CROCC2: variants seen among roughly 807,000 people sequenced by gnomAD.
The protein encoded by CROCC2 is ciliary rootlet coiled-coil protein 2.
CROCC2 carries 163 observed loss-of-function variants against 177.6 expected under a neutral mutation model. The observed-to-expected ratio is 0.92, with a 90% CI of 0.81 to 1.05. CROCC2 has a LOEUF of 1.05. CROCC2 is among the 50% of genes least tolerant of loss of function. The probability of loss-of-function intolerance (pLI) is 0.00; values close to 1 mark genes in which losing one functional copy is unlikely to be tolerated. For synonymous variants in CROCC2, 904 were observed against 787.3 expected (o/e 1.15, Z -2.48); for missense variants, 1,929 against 1,797.8 (o/e 1.07, Z -1.32).
intron 27 of CROCC2, among the ~76,000 whole-genome samples, chr2:240,970,612 T>G (rs1044559621): frequency 2.6e-5 from 4 of 152,206 alleles, no homozygotes; most frequent in Non-Finnish European, 5.9e-5. Context: ...CCTTCCCAGC[T>G]GCACTGCTTC....
Position 240,932,369 on chromosome 2 carries a change from G to A in CROCC2, c.999G>A (p.Gln333=). 1.4e-6 allele frequency: 1 copy of A among 717,502 alleles called. No homozygotes were observed. The highest frequency in any genetic ancestry group is 2.6e-6 in the Non-Finnish European group (1 of 385,064). The allele number at this position is 717,502 out of a possible 1,614,324, so 44.4% of individuals were successfully genotyped here. A position where few individuals can be genotyped will look rare whatever the true frequency, so the allele number is the denominator to read the frequency against. ...AGAAGCTTACAGAGCAGAATGAGCA[G>A]AAGGCGAAGACCATCGCTGCCCTCA... ...LVEKLTEQNE[Q]KAKTIAALRT... The change falls in exon 8 of 32, where the codon CAG becomes CAA. Residue 333 remains glutamine, a synonymous_variant. Transcript: ENST00000690015.
At chr2:240,922,364 C>T (rs759421247) in intron 3 of CROCC2, among the ~76,000 whole-genome samples, 175 bp from the exon 4 acceptor site, 2 of 152,210 alleles carry the variant, frequency 1.3e-5, no homozygotes, top group Non-Finnish European at 1.5e-5. Context: ...GGCCACCTGT[C>T]GGGTTCATTG....
chr2:240,916,821 G>A (rs2059324698), intron 1 of CROCC2, among the ~76,000 whole-genome samples: 1 of 152,208 alleles, frequency 6.6e-6, no homozygotes, highest in Non-Finnish European at 1.5e-5. Flanking sequence ...ATTGAGCGGA[G>A]CATGACGGTC....
In CROCC2 at chr2:240,932,344, A is replaced by G. The variant is rs1224208274; in HGVS notation, c.974A>G (p.Glu325Gly). The change falls in exon 8 of 32, where the codon GAG becomes GGG. Residue 325 changes from glutamate (E) to glycine (G), a missense_variant. Physicochemically the swap from Glu to Gly is moderately conservative, Grantham distance 98. Transcript: ENST00000690015. ...ARLSEQTLLV[E>G]KLTEQNEQKA... ...CTCTCGGAGCAAACCCTGCTGGTGG[A>G]GAAGCTTACAGAGCAGAATGAGCAG... The G allele has an allele frequency of 1.4e-6, 1 of 716,894 alleles. No homozygotes were observed. Among genetic ancestry groups the G allele is most frequent in the Admixed American group, 2.0e-5 (1 of 49,986 alleles). The allele number at this position is 716,894 out of a possible 1,614,324, so 44.4% of individuals were successfully genotyped here.
At chr2:240,907,678 A>T (rs1352559578) in intron 1 of CROCC2, among the ~76,000 whole-genome samples, 3 of 152,138 alleles carry the variant, frequency 2.0e-5, no homozygotes, top group Non-Finnish European at 4.4e-5. Context: ...ATGCAACAAG[A>T]CAAAGAGGTG....
Position 240,964,534 on chromosome 2 carries a change from A to G in CROCC2, c.3374A>G (p.Gln1125Arg), listed in dbSNP as rs1241609491. Residue 1125 changes from glutamine (Q) to arginine (R), a missense_variant, in exon 22 of 32, where the codon CAG becomes CGG. By Grantham distance (43) the Gln-to-Arg change is conservative. Coordinates refer to ENST00000690015, the MANE Select transcript of CROCC2 (RefSeq NM_001351305.2). The stretch of plus-strand genomic sequence containing the variant: ...CTGGAGGAGGCCCAGGCGGCGTTGC[A>G]GCAGGAGGCCAGTGCACTGCGGGCC... ...LILEEAQAAL[Q>R]QEASALRAHL... 6.5e-7 allele frequency: 1 copy of G among 1,549,486 alleles called. No homozygotes were observed. Among genetic ancestry groups the G allele is most frequent in the Admixed American group, 2.0e-5 (1 of 50,994 alleles).
chr2:240,949,111 G>T lies in CROCC2; in HGVS notation c.2482+14G>T. ...AGGCCTTGCAAGGTGCTCCAAGGGC[G>T]CTCCCTCAGCTCCTTCCCCGAAAGT... On this transcript the variant is annotated intron_variant, in intron 16 of 31. Coordinates refer to ENST00000690015, the MANE Select transcript of CROCC2 (RefSeq NM_001351305.2). This position sits in a 1 kb window ranked among gnomAD's most constrained non-coding sequence, Gnocchi z 4.5. The T allele has an allele frequency of 1.3e-6, 2 of 1,506,748 alleles. No individual in the cohort carries two copies. The highest frequency in any genetic ancestry group is 1.8e-6 in the Non-Finnish European group (2 of 1,129,020). The allele number at this position is 1,506,748 out of a possible 1,614,324, so 93.3% of individuals were successfully genotyped here. A position where few individuals can be genotyped will look rare whatever the true frequency, so the allele number is the denominator to read the frequency against.
chr2:240,948,990 A>T lies in CROCC2; in HGVS notation c.2375A>T (p.Asp792Val), dbSNP rs373525440. 1.8e-4 allele frequency: 274 copies of T among 1,550,236 alleles called. 1 individual carries two copies. In the East Asian group the frequency reaches 5.4e-3, roughly 30 times the overall value. Residue 792 changes from aspartate to valine, a missense_variant, in exon 16 of 32, where the codon GAC (aspartate) becomes GTC (valine). Physicochemically the swap from Asp to Val is radical, Grantham distance 152. Transcript: ENST00000690015. Reference protein sequence around the residue: ...EEAADLRVERDSLESSLLEAQ... With the variant: ...EEAADLRVERVSLESSLLEAQ... ...CTGCATCTTTGCAGGGTGGAGAGGG[A>T]CTCCCTGGAGAGCAGCCTCCTTGAG...
chr2:240,912,220 T>C (rs2059293186), intron 1 of CROCC2, among the ~76,000 whole-genome samples: 1 of 152,196 alleles, frequency 6.6e-6, no homozygotes, highest in African/African-American at 2.4e-5. Flanking sequence ...CACCAGCCAA[T>C]TCTCCACCTC....
At position 240,965,707 on chromosome 2, in the gene CROCC2, G is replaced by A; in HGVS notation, c.3675G>A (p.Glu1225=). Residue 1225 remains glutamate, a synonymous_variant, in exon 24 of 32, where the codon GAG becomes GAA. Transcript: ENST00000690015. Reference sequence around the variant, plus strand: ...AGGCCCATGGACAGCGGCTCCAGGAGCACCTCCGTGAGAGCCGGGGGGCTG... The same window carrying A: ...AGGCCCATGGACAGCGGCTCCAGGAACACCTCCGTGAGAGCCGGGGGGCTG... ...AGEAHGQRLQ[E]HLRESRGAEQ... 1.3e-6 allele frequency: 2 copies of A among 1,548,980 alleles called. No individual in the cohort carries two copies. The highest frequency in any genetic ancestry group is 1.7e-6 in the Non-Finnish European group (2 of 1,146,228).
intron 20 of CROCC2, among the ~76,000 whole-genome samples, chr2:240,961,382 C>T (rs1227340335): frequency 2.6e-5 from 4 of 151,990 alleles, no homozygotes; most frequent in African/African-American, 7.3e-5. Flanking sequence ...GGACACCACA[C>T]AGTGCACACA....
chr2:240,981,337 G>T (rs958589838), intron 27 of CROCC2, among the ~76,000 whole-genome samples: 2 of 152,214 alleles, frequency 1.3e-5, no homozygotes, highest in Non-Finnish European at 2.9e-5. Flanking sequence ...CAGCTCTGGG[G>T]GAGAAGGGCT....
chr2:240,965,571 A>C, intron 23 of CROCC2, 53 bp downstream of exon 23: 1 of 1,549,580 alleles, frequency 6.5e-7, no homozygotes, highest in Non-Finnish European at 8.7e-7. Flanking sequence ...CGGGGAGCAG[A>C]GGGAGGAGGC....
intron 3 of CROCC2, among the ~76,000 whole-genome samples, 154 bp from the exon 4 acceptor site, chr2:240,922,385 C>T (rs1449473780): frequency 6.6e-6 from 1 of 152,220 alleles, no homozygotes; most frequent in African/African-American, 2.4e-5. Context: ...TGTGGAAGGG[C>T]CTGGGCCTCA....
intron 20 of CROCC2, among the ~76,000 whole-genome samples, chr2:240,961,518 C>A (rs966248542): frequency 6.6e-6 from 1 of 150,702 alleles, no homozygotes; most frequent in Non-Finnish European, 1.5e-5. Flanking sequence ...ACACCACATA[C>A]AGAGTGGACA....
At position 240,988,790 on chromosome 2, in the gene CROCC2, G is replaced by A. The variant is rs773883777; in HGVS notation, c.4603G>A (p.Glu1535Lys). ...REEDVARLGA[E>K]KEQLDQSLNS... ...GGAGGATGTGGCGAGGCTGGGGGCT[G>A]AGAAGGAGCAGCTGGACCAGTCTCT... The change falls in exon 29 of 32, where the codon GAG becomes AAG. Residue 1535 changes from glutamate to lysine, a missense_variant. By Grantham distance (56) the Glu-to-Lys change is moderately conservative. Transcript: ENST00000690015. 30 of 1,517,436 alleles carry A rather than the reference G, an allele frequency of 2.0e-5. No homozygotes were observed. In the African/African-American group the frequency reaches 2.8e-4, roughly 14 times the overall value. The allele number at this position is 1,517,436 out of a possible 1,614,324, so 94.0% of individuals were successfully genotyped here.
intron 27 of CROCC2, chr2:240,981,702 A>C (rs963462059): frequency 2.6e-5 from 4 of 152,154 alleles, no homozygotes; most frequent in African/African-American, 9.7e-5. Context: ...TCTTAGGTAC[A>C]AGCATTGTCT....
chr2:240,925,653 T>G, intron 4 of CROCC2, 71 bp from the exon 5 acceptor site: 1 of 637,458 alleles, frequency 1.6e-6, no homozygotes, highest in South Asian at 1.9e-5. Context: ...GCCCCTTGAC[T>G]TGGGGACTCT....
chr2:240,961,237 C>T (rs918985912), intron 20 of CROCC2, among the ~76,000 whole-genome samples: 1 of 152,194 alleles, frequency 6.6e-6, no homozygotes. Context: ...CGTGTGCACA[C>T]ACATGCATAC....
Sources: allele counts gnomAD v4.1 joint callset (sites outside exome capture counted in the v4.1 genomes callset), GRCh38; gene constraint gnomAD v4.1.1; non-coding constraint Gnocchi (gnomAD v3.1); transcripts MANE v1.5; gene names NCBI Gene and HGNC (gene_info 2026-07-23, HGNC 2026-07-21).